Variants in PNKD observed in about 807,000 individuals in gnomAD.
PNKD encodes probable thioesterase PNKD.
PNKD carries 36 observed loss-of-function variants against 45.3 expected under a neutral mutation model. The observed-to-expected ratio is 0.80, with a 90% confidence interval of 0.61 to 1.05. The LOEUF (loss-of-function observed/expected upper bound fraction) is 1.05. Among genes scored for constraint, PNKD ranks in the 50% least tolerant of loss-of-function variants. The pLI is 0.00. For synonymous variants in PNKD, 197 were observed against 210.1 expected (o/e 0.94, Z 0.54); for missense variants, 511 against 506.6 (o/e 1.01, Z -0.08).
intron 2 of PNKD, among the ~76,000 whole-genome samples, chr2:218,313,908 T>TC (rs1693687282): frequency 6.9e-6 from 1 of 144,678 alleles, no homozygotes; most frequent in African/African-American, 2.5e-5. Flanking sequence ...TATTTCTTTT[T>TC]TTTTTTTTTT....
chr2:218,275,662 A>G lies in PNKD; in HGVS notation c.236+4113A>G, dbSNP rs72947598. 106,707 of 1,590,754 alleles carry G rather than the reference A, an allele frequency of 0.067. 4,133 individuals carry two copies. Among genetic ancestry groups the G allele is most frequent in the Non-Finnish European group, 0.078 (91,082 of 1,169,618 alleles). ...AGCCAGAAGTGAGAACTCAGGCATC[A>G]GTGTCCAGAGCTCATTTTTGGTCAG... On this transcript the variant is annotated intron_variant, in intron 2 of 9. Transcript: ENST00000273077.
At chr2:218,298,048 T>C (rs1280951286) in intron 2 of PNKD, among the ~76,000 whole-genome samples, 2 of 151,558 alleles carry the variant, frequency 1.3e-5, no homozygotes, top group African/African-American at 4.9e-5. Flanking sequence ...CTCTACCTCC[T>C]GTGACTTCTG....
chr2:218,281,864 G>A, intron 2 of PNKD: 1 of 1,115,904 alleles, frequency 9.0e-7, no homozygotes, highest in Admixed American at 2.2e-5. Context: ...AGAGAAAAGG[G>A]GCAGGAGGCG....
At chr2:218,275,316 C>G (rs1691082821) in intron 2 of PNKD, 1 of 954,690 alleles carries the variant, frequency 1.0e-6, no homozygotes, top group African/African-American at 1.7e-5. Flanking sequence ...CCCACACATC[C>G]ATAGCCAGAG....
At chr2:218,289,295 G>A (rs1182987821) in intron 2 of PNKD, among the ~76,000 whole-genome samples, 1 of 152,154 alleles carries the variant, frequency 6.6e-6, no homozygotes, top group Non-Finnish European at 1.5e-5. Context: ...TCACTCCACT[G>A]TGAGAGCCAC....
intron 1 of PNKD, 104 bp from the exon 2 acceptor site, chr2:218,271,276 CT>C: frequency 6.3e-6 from 6 of 957,406 alleles, no homozygotes; most frequent in Non-Finnish European, 1.0e-5. Context: ...AGTCACTCCC[CT>C]TCCCCAGATC....
Position 218,270,571 on chromosome 2 carries a change from C to A in PNKD, c.36C>A (p.Gly12=). The A allele has an allele frequency of 1.7e-6, 2 of 1,199,260 alleles. No homozygotes were observed. Among genetic ancestry groups the A allele is most frequent in the Non-Finnish European group, 2.2e-6 (2 of 928,912 alleles). The allele number at this position is 1,199,260 out of a possible 1,614,324, so 74.3% of individuals were successfully genotyped here. A position where few individuals can be genotyped will look rare whatever the true frequency, so the allele number is the denominator to read the frequency against. The stretch of plus-strand genomic sequence containing the variant: ...TGGTAGCTGCTACGGCGCTGAAGGG[C>A]CGGGGGGCGAGAAATGCCCGCGTCC... ...AAVVAATALK[G]RGARNARVLR... The change falls in exon 1 of 10, where the codon GGC becomes GGA. Residue 12 remains glycine, a synonymous_variant. Transcript: ENST00000273077.
intron 2 of PNKD, among the ~76,000 whole-genome samples, chr2:218,294,874 A>G (rs775535651): frequency 2.0e-5 from 3 of 152,216 alleles, no homozygotes; most frequent in Non-Finnish European, 2.9e-5. Flanking sequence ...ATACTATAAC[A>G]TTGAGGATTA....
In PNKD at chr2:218,277,409, G is replaced by A. The variant is rs376381706; in HGVS notation, c.236+5860G>A. The A allele has an allele frequency of 4.0e-5, 64 of 1,614,048 alleles. No homozygotes were observed. Among genetic ancestry groups the A allele is most frequent in the Middle Eastern group, 1.6e-4 (1 of 6,084 alleles). On this transcript the variant is annotated intron_variant, in intron 2 of 9. Coordinates refer to ENST00000273077, the MANE Select transcript of PNKD (RefSeq NM_015488.5). Reference sequence around the variant, plus strand: ...GATGGTGACTGAAATGGATACCACCGCAGTGATGATCATTGCAATGATGAC... The same window carrying A: ...GATGGTGACTGAAATGGATACCACCACAGTGATGATCATTGCAATGATGAC...
rs528112217 is a variant in PNKD, at chr2:218,323,919, C to T, written c.237-15864C>T. On this transcript the variant is annotated intron_variant, in intron 2 of 9. Coordinates refer to ENST00000273077, the MANE Select transcript of PNKD (RefSeq NM_015488.5). The stretch of plus-strand genomic sequence containing the variant: ...TTGTCCCACTCCCCAGCATCCAACT[C>T]CTCACCAGTCAAGTTAGGTTCTTCT... Among the ~76,000 whole-genome samples, 35 of 152,326 alleles carry T rather than the reference C, an allele frequency of 2.3e-4. No individual in the cohort carries two copies. In the South Asian group the frequency reaches 6.8e-3, roughly 30 times the overall value.
intron 2 of PNKD, among the ~76,000 whole-genome samples, chr2:218,301,463 G>A (rs896735291): frequency 3.3e-5 from 5 of 152,182 alleles, no homozygotes; most frequent in African/African-American, 9.7e-5. Flanking sequence ...CCACTAGGGG[G>A]CAGAGTCTGA....
intron 2 of PNKD, among the ~76,000 whole-genome samples, chr2:218,302,835 G>A (rs1305729251): frequency 6.6e-6 from 1 of 152,218 alleles, no homozygotes; most frequent in Non-Finnish European, 1.5e-5. Context: ...ATGTATGTGT[G>A]TGTTGAAGGG....
intron 2 of PNKD, among the ~76,000 whole-genome samples, chr2:218,311,205 G>A (rs1236239709): frequency 6.6e-6 from 1 of 152,184 alleles, no homozygotes; most frequent in African/African-American, 2.4e-5. Flanking sequence ...GTGACCTGGA[G>A]CCATTGATCT....
In PNKD at chr2:218,340,059, C is replaced by A; in HGVS notation, c.383C>A (p.Ser128Ter). ...AAGGTGCTTCCCATCCCTGTCCTCTCGGACAACTACAGCTACCTCATCATC... is the reference window on the plus strand; with the variant it reads ...AAGGTGCTTCCCATCCCTGTCCTCTAGGACAACTACAGCTACCTCATCATC... ...GVKVLPIPVL[S>*]DNYSYLIIDT... The change falls in exon 4 of 10, where the codon TCG becomes TAG. Residue 128 changes from serine to a stop codon, truncating the protein, a stop_gained. Transcript: ENST00000273077. LOFTEE classifies it high-confidence loss of function. The surrounding 1 kb of genome is among the most constrained non-coding windows in gnomAD (Gnocchi z 4.2). The A allele has an allele frequency of 6.2e-7, 1 of 1,612,700 alleles. No homozygotes were observed. The highest frequency in any genetic ancestry group is 8.5e-7 in the Non-Finnish European group (1 of 1,178,684).
chr2:218,275,885 G>A (rs1183605942), intron 2 of PNKD: 23 of 1,076,440 alleles, frequency 2.1e-5, no homozygotes, highest in Non-Finnish European at 3.1e-5. Context: ...AAAATCAATG[G>A]AATCTCTGGA....
intron 2 of PNKD, among the ~76,000 whole-genome samples, chr2:218,311,388 C>G (rs980284052): frequency 6.6e-6 from 1 of 152,206 alleles, no homozygotes; most frequent in Non-Finnish European, 1.5e-5. Context: ...ATACAGAGGA[C>G]CCGCACCGGT....
chr2:218,276,877 AG>A, intron 2 of PNKD: 1 of 730,256 alleles, frequency 1.4e-6, no homozygotes, highest in East Asian at 2.7e-5. Flanking sequence ...TGCCTTTGCT[AG>A]CCAGTCGAGA....
chr2:218,287,733 C>T (rs760386778), intron 2 of PNKD, among the ~76,000 whole-genome samples: 7 of 151,920 alleles, frequency 4.6e-5, no homozygotes, highest in Non-Finnish European at 1.0e-4. Context: ...AGCCAGCCCT[C>T]GACTTCTGGC....
intron 2 of PNKD, among the ~76,000 whole-genome samples, chr2:218,314,222 C>CTTTTTTTTTTTTTTTTTTTTTT (rs386392656): frequency 1.5e-5 from 1 of 67,710 alleles, no homozygotes; most frequent in African/African-American, 6.5e-5. Flanking sequence ...CGCGCCCTGG[C>CTTTTTTTTTTTTTTTTTTTTTT]TTTTTTTTTT....
Sources: allele counts gnomAD v4.1 joint callset (sites outside exome capture counted in the v4.1 genomes callset), GRCh38; gene constraint gnomAD v4.1.1; non-coding constraint Gnocchi (gnomAD v3.1); transcripts MANE v1.5; gene names NCBI Gene and HGNC (gene_info 2026-07-23, HGNC 2026-07-21).